The following RERE variants were observed in gnomAD, a reference collection of about 807,000 sequenced individuals.
The protein encoded by RERE is arginine-glutamic acid dipeptide repeats protein.
Under a neutral mutation model 146.1 loss-of-function variants are expected in RERE, and 40 were observed. That is an observed-to-expected ratio of 0.27 (90% CI 0.21 to 0.36). RERE has a LOEUF of 0.36. Among genes scored for constraint, RERE ranks in the 10% least tolerant of loss-of-function variants. The probability of loss-of-function intolerance (pLI) is 1.00; values close to 1 mark genes in which losing one functional copy is unlikely to be tolerated. For missense variants in RERE, 1,933 were observed against 2,138.7 expected (o/e 0.90, Z 1.90); for synonymous variants, 1,003 against 866.0 (o/e 1.16, Z -2.78).
At chr1:8,525,758 C>T in intron 7 of RERE, 4 of 1,598,838 alleles carry the variant, frequency 2.5e-6, no homozygotes, top group Non-Finnish European at 3.4e-6. Context: ...AGATAGCCTA[C>T]CTGCAGGGGC....
intron 6 of RERE, among the ~76,000 whole-genome samples, chr1:8,547,416 A>T (rs552364205): frequency 6.6e-6 from 1 of 152,296 alleles, no homozygotes; most frequent in Non-Finnish European, 1.5e-5. Flanking sequence ...GATAAATTTG[A>T]TTAGATAAAA....
chr1:8,360,396 G>C lies in RERE; in HGVS notation c.3111C>G (p.His1037Gln), dbSNP rs1006002943. The change falls in exon 18 of 23, where the codon CAC becomes CAG. Residue 1037 changes from histidine to glutamine, a missense_variant. By Grantham distance (24) the His-to-Gln change is conservative. Transcript: ENST00000400908. ...GAGGAGGGCCTCCAGGGACAAAGGG[G>C]TGCTGAGCAAACGGGGGTTGGGGGG... is the stretch of plus-strand genomic sequence containing the variant. The part of the protein sequence containing the change: ...QVAPQPPFAQ[H>Q]PFVPGGPPPI... 1.7e-5 allele frequency: 24 copies of C among 1,397,938 alleles called. No individual in the cohort carries two copies. The African/African-American group carries it at 3.1e-4, about 18-fold the overall frequency. The allele number at this position is 1,397,938 out of a possible 1,614,324, so 86.6% of individuals were successfully genotyped here.
rs540799016 is a variant in RERE, at chr1:8,671,102, G to A, written c.-144-14661C>T. 2.0e-5 allele frequency among the ~76,000 whole-genome samples: 3 copies of A among 152,346 alleles called. No individual in the cohort carries two copies. The East Asian group carries it at 5.8e-4, about 29-fold the overall frequency. ...TGTATTAAGATGTATGTGTTGAGTG[G>A]TCAGAAAGCTCTGGGCTAGACCTAA... On this transcript the variant is annotated intron_variant, in intron 1 of 22. Coordinates refer to ENST00000400908, the MANE Select transcript of RERE (RefSeq NM_001042681.2).
At chr1:8,707,536 C>T (rs946150376) in intron 1 of RERE, among the ~76,000 whole-genome samples, 8 of 152,124 alleles carry the variant, frequency 5.3e-5, no homozygotes, top group African/African-American at 1.9e-4. Flanking sequence ...AAGGAAACTG[C>T]ATTTTTACAT....
At chr1:8,630,094 G>A (rs1352129362) in intron 2 of RERE, among the ~76,000 whole-genome samples, 1 of 152,124 alleles carries the variant, frequency 6.6e-6, no homozygotes, top group African/African-American at 2.4e-5. Flanking sequence ...TAATATTGCA[G>A]AATAAAAAAT....
chr1:8,732,856 C>T lies in RERE; in HGVS notation c.-144-76415G>A, dbSNP rs550396935. Among the ~76,000 whole-genome samples the T allele has an allele frequency of 8.6e-4, 93 of 107,534 alleles. 2 individuals carry two copies. The South Asian group carries it at 0.015, about 18-fold the overall frequency. 70.5% of individuals were successfully genotyped at this position (107,534 alleles called of 152,430 possible). A position where few individuals can be genotyped will look rare whatever the true frequency, so the allele number is the denominator to read the frequency against. ...TTTTTGGTTTAGATGGAGTCTTGCT[C>T]TGTCACCCAGGCTGGAGTGCAGTGG... is the stretch of plus-strand genomic sequence containing the variant. On this transcript the variant is annotated intron_variant, in intron 1 of 22. Coordinates refer to ENST00000400908, the MANE Select transcript of RERE (RefSeq NM_001042681.2).
rs547497671 is a variant in RERE, at chr1:8,369,032, C to CA, written c.1285-3059dup. On this transcript the variant is annotated intron_variant, in intron 12 of 22. Coordinates refer to ENST00000400908, the MANE Select transcript of RERE (RefSeq NM_001042681.2). Reference sequence around the variant, plus strand: ...CTGGGCCCTACAGGCCCAATCTCTACAAAAAAGTTTAAAAAATTAGCCCAG... The same window carrying CA: ...CTGGGCCCTACAGGCCCAATCTCTACAAAAAAAGTTTAAAAAATTAGCCCAG... 2.0e-5 allele frequency among the ~76,000 whole-genome samples: 3 copies of CA among 152,050 alleles called. No individual in the cohort carries two copies. The South Asian group carries it at 6.2e-4, about 32-fold the overall frequency.
chr1:8,799,532 TTTAA>T lies in RERE; in HGVS notation c.-145+17624_-145+17627del, dbSNP rs1216422017. ...ATGTTTCATTTAGGTTATTAAATTT[TTTAA>T]TTAATTAAATTAAAATCAAAATTAG... On this transcript the variant is annotated intron_variant, in intron 1 of 22. Transcript: ENST00000400908. The T allele has an allele frequency of 2.5e-5, 4 of 159,750 alleles. 1 individual carries two copies. In the South Asian group the frequency reaches 4.9e-4, roughly 20 times the overall value. 9.9% of individuals were successfully genotyped at this position (159,750 alleles called of 1,614,324 possible).
intron 1 of RERE, among the ~76,000 whole-genome samples, chr1:8,775,741 T>C (rs937510595): frequency 6.6e-6 from 1 of 152,206 alleles, no homozygotes; most frequent in African/African-American, 2.4e-5. Context: ...ATACACATGG[T>C]GTGTGTTTGA....
At chr1:8,624,498 T>C in intron 2 of RERE, 118 bp from the exon 3 acceptor site, 1 of 631,366 alleles carries the variant, frequency 1.6e-6, no homozygotes, top group Admixed American at 3.3e-5. Context: ...TTATTGTAAA[T>C]TTTTTCCAAA....
chr1:8,496,391 C>A (rs1366300627), intron 9 of RERE, among the ~76,000 whole-genome samples: 1 of 151,748 alleles, frequency 6.6e-6, no homozygotes, highest in Non-Finnish European at 1.5e-5. Flanking sequence ...GCAGGAGGAT[C>A]GCTTGAGCTC....
rs1038201793 is a variant in RERE, at chr1:8,352,552, A to G, written c.*2535T>C. ...TGGCAAACTACTCATATATACATTT[A>G]GCTTCAAGATATATAGAAACGTAGC... is the stretch of plus-strand genomic sequence containing the variant. On this transcript the variant is annotated 3_prime_UTR_variant, in exon 23 of 23. Transcript: ENST00000400908. 1.3e-5 allele frequency: 2 copies of G among 152,446 alleles called. No homozygotes were observed. Among genetic ancestry groups the G allele is most frequent in the Non-Finnish European group, 2.9e-5 (2 of 68,038 alleles). 9.4% of individuals were successfully genotyped at this position (152,446 alleles called of 1,614,324 possible). A position where few individuals can be genotyped will look rare whatever the true frequency, so the allele number is the denominator to read the frequency against.
At chr1:8,404,680 G>A (rs551582150) in intron 12 of RERE, among the ~76,000 whole-genome samples, 2 of 152,354 alleles carry the variant, frequency 1.3e-5, no homozygotes, top group East Asian at 3.9e-4. Context: ...CAGTGAGACA[G>A]AGAAGAAGAG....
At chr1:8,381,450 C>A (rs1291087045) in intron 12 of RERE, among the ~76,000 whole-genome samples, 1 of 152,134 alleles carries the variant, frequency 6.6e-6, no homozygotes, top group East Asian at 1.9e-4. Flanking sequence ...AGAGGAGTCA[C>A]TAACAGTCAT....
intron 4 of RERE, among the ~76,000 whole-genome samples, chr1:8,593,748 C>A (rs1193350505): frequency 2.6e-5 from 4 of 152,240 alleles, no homozygotes; most frequent in African/African-American, 9.6e-5. Flanking sequence ...CTTTCAGCTT[C>A]TCTATTCATC....
chr1:8,731,825 A>T (rs1640092915), intron 1 of RERE, among the ~76,000 whole-genome samples: 1 of 152,136 alleles, frequency 6.6e-6, no homozygotes, highest in Non-Finnish European at 1.5e-5. Context: ...TTTTTTTGAG[A>T]AGAGTCTTGC....
intron 2 of RERE, among the ~76,000 whole-genome samples, chr1:8,646,548 C>A (rs953325196): frequency 2.7e-5 from 4 of 148,560 alleles, no homozygotes; most frequent in Admixed American, 1.3e-4. Flanking sequence ...CAAAAAAAAA[C>A]AAACAAACAA....
chr1:8,395,614 AC>A (rs1283493557), intron 12 of RERE, among the ~76,000 whole-genome samples: 1 of 152,076 alleles, frequency 6.6e-6, no homozygotes, highest in African/African-American at 2.4e-5. Flanking sequence ...GGTGAGCTTG[AC>A]CTAGAAGGGC....
At chr1:8,768,754 C>G (rs374215893) in intron 1 of RERE, among the ~76,000 whole-genome samples, 2 of 152,150 alleles carry the variant, frequency 1.3e-5, no homozygotes, top group Admixed American at 6.5e-5. Context: ...ACAACACCGA[C>G]GCTTGTCCCT....
Sources: gnomAD v4.1 joint callset for allele counts (sites outside exome capture counted in the v4.1 genomes callset) on GRCh38, gnomAD v4.1.1 for gene constraint, MANE v1.5 for transcripts, NCBI Gene and HGNC (gene_info 2026-07-23, HGNC 2026-07-21) for gene names.